Variants in AGBL1 observed in about 807,000 individuals in gnomAD.
AGBL1 encodes cytosolic carboxypeptidase 4.
Under a neutral mutation model 118.9 loss-of-function variants are expected in AGBL1, and 130 were observed. That is an observed-to-expected ratio of 1.09 (90% CI 0.95 to 1.26). The LOEUF is 1.26. Ranked by LOEUF, AGBL1 falls within the 50% of genes most tolerant of loss-of-function variation. AGBL1 has a pLI of 0.00. For synonymous variants in AGBL1, 555 were observed against 478.9 expected (o/e 1.16, Z -2.08); for missense variants, 1,584 against 1,298.1 (o/e 1.22, Z -3.38).
intron 22 of AGBL1, among the ~76,000 whole-genome samples, chr15:86,753,343 G>A (rs1336804835): frequency 6.6e-6 from 1 of 151,166 alleles, no homozygotes; most frequent in Admixed American, 6.6e-5. Context: ...CTTGCTTAGG[G>A]ACACACAAGA....
chr15:86,564,392 C>T (rs1428636085), intron 21 of AGBL1, among the ~76,000 whole-genome samples: 1 of 152,148 alleles, frequency 6.6e-6, no homozygotes, highest in African/African-American at 2.4e-5. Context: ...ATTTATGAAG[C>T]TTAGTTTGGC....
At position 86,208,532 on chromosome 15, in the gene AGBL1, C is replaced by G. The variant is rs527603282; in HGVS notation, c.489-16382C>G. ...GGTCTATTCAGAGATTCAGCTTCTT[C>G]CTGATTTAGTCTTGGGAGGGTGCAT... On this transcript the variant is annotated intron_variant, in intron 5 of 22. Transcript: ENST00000614907. Among the ~76,000 whole-genome samples the G allele has an allele frequency of 2.6e-5, 4 of 152,220 alleles. No individual in the cohort carries two copies. The South Asian group carries it at 8.3e-4, about 32-fold the overall frequency.
intron 17 of AGBL1, among the ~76,000 whole-genome samples, chr15:86,344,904 C>A (rs1031915472): frequency 1.3e-5 from 2 of 151,892 alleles, no homozygotes; most frequent in African/African-American, 4.8e-5. Context: ...TGTTCAGAGC[C>A]CTTTGTTTGT....
At chr15:86,987,040 G>A (rs2594322) in intron 23 of AGBL1, among the ~76,000 whole-genome samples, 123,730 of 152,030 alleles carry the variant, frequency 0.81, 50,982 homozygotes, top group South Asian at 0.95. Flanking sequence ...TTTGAGCCAG[G>A]ATGAGCCAGG....
In AGBL1 at chr15:86,844,340, A is replaced by G. The variant is rs985601159; in HGVS notation, c.3159-62747A>G. Among the ~76,000 whole-genome samples, 7 of 152,200 alleles carry G rather than the reference A, an allele frequency of 4.6e-5. No homozygotes were observed. The East Asian group carries it at 1.3e-3, about 29-fold the overall frequency. On this transcript the variant is annotated intron_variant, in intron 22 of 22. Coordinates refer to ENST00000614907, the MANE Select transcript of AGBL1 (RefSeq NM_001386094.1). ...TTTACAATCTCATAAGCAGTGAATG[A>G]GGGTTCCAGTTTTCCTACATCCTTG...
intron 21 of AGBL1, among the ~76,000 whole-genome samples, chr15:86,671,276 A>T (rs2085741843): frequency 6.6e-6 from 1 of 152,186 alleles, no homozygotes; most frequent in African/African-American, 2.4e-5. Flanking sequence ...TTAAACAAAC[A>T]AACAAACAAA....
At chr15:86,968,364 G>GA (rs1435228834) in intron 23 of AGBL1, among the ~76,000 whole-genome samples, 1 of 151,724 alleles carries the variant, frequency 6.6e-6, no homozygotes, top group Admixed American at 6.6e-5. Context: ...ATGTTCAGTG[G>GA]AAAAAAACGA....
chr15:86,662,731 T>C (rs1022923824), intron 21 of AGBL1, among the ~76,000 whole-genome samples: 1 of 152,188 alleles, frequency 6.6e-6, no homozygotes, highest in Non-Finnish European at 1.5e-5. Context: ...AAATAAAAGT[T>C]CATAACTATT....
At chr15:86,592,508 G>C (rs1596296563) in intron 21 of AGBL1, among the ~76,000 whole-genome samples, 1 of 152,220 alleles carries the variant, frequency 6.6e-6, no homozygotes, top group Admixed American at 6.5e-5. Context: ...CTCTTCCCTT[G>C]ATTTTTCCCT....
intron 22 of AGBL1, among the ~76,000 whole-genome samples, chr15:86,706,252 TA>T (rs747067764): frequency 6.6e-6 from 1 of 151,968 alleles, no homozygotes; most frequent in Non-Finnish European, 1.5e-5. Context: ...ATTGTCACAA[TA>T]AAAACTTAAA....
At chr15:86,987,976 G>C in intron 23 of AGBL1, 1 of 1,612,214 alleles carries the variant, frequency 6.2e-7, no homozygotes, top group Non-Finnish European at 8.5e-7. Context: ...TCATTTATCT[G>C]AACATTACAG....
chr15:86,389,494 C>T (rs891402309), intron 17 of AGBL1, among the ~76,000 whole-genome samples: 3 of 151,926 alleles, frequency 2.0e-5, no homozygotes, highest in Non-Finnish European at 4.4e-5. Context: ...ATGTTCACTG[C>T]CAGCAGATTC....
chr15:86,432,931 A>G (rs2142041246), intron 18 of AGBL1, among the ~76,000 whole-genome samples: 1 of 152,288 alleles, frequency 6.6e-6, no homozygotes, highest in East Asian at 1.9e-4. Context: ...TGTCTCCCTC[A>G]GGGTTCTGGC....
chr15:86,551,193 C>T (rs1213335245), intron 20 of AGBL1, among the ~76,000 whole-genome samples: 1 of 151,754 alleles, frequency 6.6e-6, no homozygotes, highest in Non-Finnish European at 1.5e-5. Context: ...GCAAATAAAT[C>T]CCAAAGTATA....
intron 24 of AGBL1, among the ~76,000 whole-genome samples, chr15:87,020,918 G>T (rs1567291069): frequency 6.6e-6 from 1 of 151,958 alleles, no homozygotes; most frequent in East Asian, 1.9e-4. Flanking sequence ...TGGCCATATT[G>T]CCCAAAGTAA....
intron 5 of AGBL1, among the ~76,000 whole-genome samples, chr15:86,188,167 T>A (rs866787665): frequency 6.6e-6 from 1 of 152,190 alleles, no homozygotes; most frequent in Admixed American, 6.6e-5. Flanking sequence ...ATTTCCTGAT[T>A]CAGAGGTTGT....
chr15:86,705,663 A>T (rs997415410), intron 22 of AGBL1, among the ~76,000 whole-genome samples: 1 of 152,166 alleles, frequency 6.6e-6, no homozygotes. Context: ...TAAGTCATAC[A>T]TTGTTTAATT....
chr15:86,854,209 G>T (rs991769591), intron 22 of AGBL1, among the ~76,000 whole-genome samples: 18 of 152,146 alleles, frequency 1.2e-4, no homozygotes, highest in Non-Finnish European at 5.9e-5. Context: ...TTAGTTGATG[G>T]GGGTGTACAT....
At chr15:86,541,311 C>A (rs773969350) in intron 19 of AGBL1, among the ~76,000 whole-genome samples, 3 of 152,214 alleles carry the variant, frequency 2.0e-5, no homozygotes, top group Non-Finnish European at 4.4e-5. Context: ...CTACTTGAAT[C>A]ACAGAATTGC....
Sources: allele counts gnomAD v4.1 joint callset (sites outside exome capture counted in the v4.1 genomes callset), GRCh38; gene constraint gnomAD v4.1.1; transcripts MANE v1.5; gene names NCBI Gene and HGNC (gene_info 2026-07-23, HGNC 2026-07-21).